The following MFSD6 variants were observed in gnomAD, a reference collection of about 807,000 sequenced individuals.
MFSD6 encodes major facilitator superfamily domain-containing protein 6.
In MFSD6, 26 loss-of-function variants were observed where a neutral mutation model predicts 56.3. The observed-to-expected ratio is 0.46, with a 90% CI of 0.34 to 0.64. MFSD6 has a LOEUF of 0.64. Ranked by LOEUF, MFSD6 falls within the 30% of genes least tolerant of loss-of-function variation. The probability of loss-of-function intolerance (pLI) is 0.01; values close to 1 mark genes in which losing one functional copy is unlikely to be tolerated. For synonymous variants in MFSD6, 331 were observed against 366.9 expected (o/e 0.90, Z 1.12); for missense variants, 750 against 986.2 (o/e 0.76, Z 3.21).
chr2:190,414,330 G>A, intron 1 of MFSD6, among the ~76,000 whole-genome samples: 1 of 152,172 alleles, frequency 6.6e-6, no homozygotes, highest in East Asian at 1.9e-4. Flanking sequence ...GCAAAGGCAA[G>A]CTTCTTTAGC....
intron 4 of MFSD6, among the ~76,000 whole-genome samples, chr2:190,482,414 T>TA (rs1688725405): frequency 6.6e-6 from 1 of 151,828 alleles, no homozygotes; most frequent in Admixed American, 6.6e-5. Flanking sequence ...TTTTTTTTTT[T>TA]AATCCCAGAA....
intron 3 of MFSD6, among the ~76,000 whole-genome samples, chr2:190,441,116 T>A (rs1474365877): frequency 6.6e-6 from 1 of 152,182 alleles, no homozygotes; most frequent in African/African-American, 2.4e-5. Flanking sequence ...CTTCTTCTCA[T>A]CATCTTATTT....
Position 190,485,467 on chromosome 2 carries a change from T to C in MFSD6, c.1631-3190T>C, listed in dbSNP as rs1369845514. Reference sequence around the variant, plus strand: ...CCAAATCTGTGTTGGATTTTGCTATTGAATCTAATTAATTTTGAATAAATT... The same window carrying C: ...CCAAATCTGTGTTGGATTTTGCTATCGAATCTAATTAATTTTGAATAAATT... On this transcript the variant is annotated intron_variant, in intron 4 of 7. Coordinates refer to ENST00000392328, the MANE Select transcript of MFSD6 (RefSeq NM_017694.4). This position sits in a 1 kb window ranked among gnomAD's most constrained non-coding sequence, Gnocchi z 5.1. 6.6e-6 allele frequency among the ~76,000 whole-genome samples: 1 copy of C among 152,186 alleles called. No individual in the cohort carries two copies. The highest frequency in any genetic ancestry group is 1.9e-4 in the East Asian group (1 of 5,206).
rs1303389503 is a variant in MFSD6 at position 190,417,784 on chromosome 2, A to G, written c.-54+2371A>G. ...TCATCTTTGCCTGTGAATCCTGCCC[A>G]TCTTTCAGAGTTCAATTTAAGCCCC... On this transcript the variant is annotated intron_variant, in intron 2 of 7. Transcript: ENST00000392328. The surrounding 1 kb of genome is among the most constrained non-coding windows in gnomAD (Gnocchi z 5.7). Among the ~76,000 whole-genome samples the G allele has an allele frequency of 2.0e-5, 3 of 151,864 alleles. No individual in the cohort carries two copies. The highest frequency in any genetic ancestry group is 1.9e-4 in the East Asian group (1 of 5,164).
Position 190,469,746 on chromosome 2 carries a change from A to ATTTTT in MFSD6, c.1533-7_1533-3dup. The ATTTTT allele has an allele frequency of 1.5e-6, 2 of 1,364,954 alleles. No individual in the cohort carries two copies. 84.6% of individuals were successfully genotyped at this position (1,364,954 alleles called of 1,614,324 possible). On this transcript the variant is annotated splice_polypyrimidine_tract_variant and intron_variant, in intron 3 of 7. Coordinates refer to ENST00000392328, the MANE Select transcript of MFSD6 (RefSeq NM_017694.4). This position sits in a 1 kb window ranked among gnomAD's most constrained non-coding sequence, Gnocchi z 5.3. Reference sequence around the variant, plus strand: ...TTTTTTTATTTTATTTTTATTTTTTATTTTTTTTTAGGGTTCTGTACATTG... The same window carrying ATTTTT: ...TTTTTTTATTTTATTTTTATTTTTTATTTTTTTTTTTTTTAGGGTTCTGTACATTG...
Position 190,463,895 on chromosome 2 carries a change from T to C in MFSD6, c.1533-5863T>C, listed in dbSNP as rs1413048613. ...CCCAATCTAAGGGCGCACCATATAC[T>C]GTCTACCATACAGAAAACGTAATCC... On this transcript the variant is annotated intron_variant, in intron 3 of 7. Transcript: ENST00000392328. The surrounding 1 kb of genome is among the most constrained non-coding windows in gnomAD (Gnocchi z 4.4). 1.0e-6 allele frequency: 1 copy of C among 984,562 alleles called. No homozygotes were observed. The highest frequency in any genetic ancestry group is 1.7e-5 in the African/African-American group (1 of 57,214). 61.0% of individuals were successfully genotyped at this position (984,562 alleles called of 1,614,324 possible). A position where few individuals can be genotyped will look rare whatever the true frequency, so the allele number is the denominator to read the frequency against.
rs1383203693 is a variant in MFSD6, at chr2:190,429,133, T to C, written c.-53-6844T>C. 5.3e-5 allele frequency among the ~76,000 whole-genome samples: 8 copies of C among 152,120 alleles called. No homozygotes were observed. In the South Asian group the frequency reaches 1.2e-3, roughly 24 times the overall value. ...GGTGCCTATTCAAGCTTTTTGCTTA[T>C]TTTTCCTATTGGGTTACCTGATATT... On this transcript the variant is annotated intron_variant, in intron 2 of 7. Transcript: ENST00000392328.
chr2:190,483,936 G>T (rs1216291986), intron 4 of MFSD6, among the ~76,000 whole-genome samples: 1 of 151,516 alleles, frequency 6.6e-6, no homozygotes, highest in African/African-American at 2.4e-5. Flanking sequence ...CCCAAGTAAA[G>T]TCTTGGCAGT....
chr2:190,453,792 T>C (rs1444566269), intron 3 of MFSD6, among the ~76,000 whole-genome samples: 1 of 152,234 alleles, frequency 6.6e-6, no homozygotes, highest in African/African-American at 2.4e-5. Flanking sequence ...CCAAATAGCC[T>C]AATGACTTAG....
intron 4 of MFSD6, among the ~76,000 whole-genome samples, chr2:190,484,087 T>C (rs1169187373): frequency 1.3e-5 from 2 of 152,118 alleles, no homozygotes; most frequent in African/African-American, 4.8e-5. Flanking sequence ...TCAATCAATA[T>C]ATTTAAGCAC....
chr2:190,470,457 G>GA (rs935418961), intron 4 of MFSD6, among the ~76,000 whole-genome samples: 4 of 152,112 alleles, frequency 2.6e-5, no homozygotes, highest in African/African-American at 9.7e-5. Flanking sequence ...GAAGAGTGCT[G>GA]AAAAAATGGA....
In MFSD6 at chr2:190,491,902, C is replaced by CA. The variant is rs1200823093; in HGVS notation, c.1891+2043dup. The stretch of plus-strand genomic sequence containing the variant: ...AAGGTGAAGTCCAATTTAAGGAAAT[C>CA]AAAAAAATGATACAAGAAGTGAGGG... On this transcript the variant is annotated intron_variant, in intron 6 of 7. Coordinates refer to ENST00000392328, the MANE Select transcript of MFSD6 (RefSeq NM_017694.4). This position sits in a 1 kb window ranked among gnomAD's most constrained non-coding sequence, Gnocchi z 4.2. Among the ~76,000 whole-genome samples, 1 of 151,744 alleles carries CA rather than the reference C, an allele frequency of 6.6e-6. No homozygotes were observed. The highest frequency in any genetic ancestry group is 1.9e-4 in the East Asian group (1 of 5,190).
At chr2:190,430,955 G>C (rs1685968182) in intron 2 of MFSD6, among the ~76,000 whole-genome samples, 1 of 149,424 alleles carries the variant, frequency 6.7e-6, no homozygotes, top group African/African-American at 2.5e-5. Context: ...AGACGGGGCG[G>C]CTGCTGGGTG....
At chr2:190,455,707 C>T (rs933950478) in intron 3 of MFSD6, among the ~76,000 whole-genome samples, 3 of 151,120 alleles carry the variant, frequency 2.0e-5, no homozygotes, top group African/African-American at 7.3e-5. Context: ...GGAGGGTGGG[C>T]ACGGTGCAGG....
rs1440304462 is a variant in MFSD6, at chr2:190,499,528, TCAGGACTCTTAATTA to T, written c.2173-480_2173-466del. Reference sequence around the variant, plus strand: ...CACATTTTGAAATACCAAATATATATCAGGACTCTTAATTACAGGACATTCTTTCCCAGCTCTGCC... The same window carrying T: ...CACATTTTGAAATACCAAATATATATCAGGACATTCTTTCCCAGCTCTGCC... On this transcript the variant is annotated intron_variant, in intron 7 of 7. Transcript: ENST00000392328. The surrounding 1 kb of genome is among the most constrained non-coding windows in gnomAD (Gnocchi z 6.0). Among the ~76,000 whole-genome samples, 1 of 152,228 alleles carries T rather than the reference TCAGGACTCTTAATTA, an allele frequency of 6.6e-6. No homozygotes were observed. Among genetic ancestry groups the T allele is most frequent in the African/African-American group, 2.4e-5 (1 of 41,448 alleles).
rs1012429426 is a variant in MFSD6, at chr2:190,425,579, A to G, written c.-54+10166A>G. On this transcript the variant is annotated intron_variant, in intron 2 of 7. Transcript: ENST00000392328. This position sits in a 1 kb window ranked among gnomAD's most constrained non-coding sequence, Gnocchi z 4.3. Reference sequence around the variant, plus strand: ...ACTTTTTCAAATGTTTATTTTATCAAGTGTTTTTCTGCATTGATTGGTAAG... The same window carrying G: ...ACTTTTTCAAATGTTTATTTTATCAGGTGTTTTTCTGCATTGATTGGTAAG... 1.3e-5 allele frequency among the ~76,000 whole-genome samples: 2 copies of G among 152,146 alleles called. No individual in the cohort carries two copies. Among genetic ancestry groups the G allele is most frequent in the African/African-American group, 4.8e-5 (2 of 41,430 alleles).
intron 1 of MFSD6, among the ~76,000 whole-genome samples, chr2:190,414,109 C>A (rs1398779841): frequency 1.3e-5 from 2 of 151,888 alleles, no homozygotes; most frequent in African/African-American, 4.8e-5. Context: ...GTTCCTGGGG[C>A]CTGTCTGGGG....
Position 190,463,723 on chromosome 2 carries a change from G to A in MFSD6, c.1533-6035G>A. 4.5e-6 allele frequency: 1 copy of A among 220,098 alleles called. No individual in the cohort carries two copies. The highest frequency in any genetic ancestry group is 1.6e-4 in the South Asian group (1 of 6,186). 13.6% of individuals were successfully genotyped at this position (220,098 alleles called of 1,614,324 possible). ...TAGTCCCAGCTACTTGGGGGGCTGA[G>A]GTGGGAGGATCACCTGGGCTCTGGT... On this transcript the variant is annotated intron_variant, in intron 3 of 7. Coordinates refer to ENST00000392328, the MANE Select transcript of MFSD6 (RefSeq NM_017694.4). The surrounding 1 kb of genome is among the most constrained non-coding windows in gnomAD (Gnocchi z 4.4).
At chr2:190,477,946 TG>T (rs79295326) in intron 4 of MFSD6, among the ~76,000 whole-genome samples, 34,140 of 152,080 alleles carry the variant, frequency 0.22, 4,958 homozygotes, top group South Asian at 0.34. Context: ...CATTCCAGCA[TG>T]GGGGAAGAGC....
Sources: allele counts gnomAD v4.1 joint callset (sites outside exome capture counted in the v4.1 genomes callset), GRCh38; gene constraint gnomAD v4.1.1; non-coding constraint Gnocchi (gnomAD v3.1); transcripts MANE v1.5; gene names NCBI Gene and HGNC (gene_info 2026-07-23, HGNC 2026-07-21).